PLXDC2: variants seen among roughly 807,000 people sequenced by gnomAD.
The protein encoded by PLXDC2 is plexin domain-containing protein 2.
Under a neutral mutation model 68.9 loss-of-function variants are expected in PLXDC2, and 40 were observed. The ratio of observed to expected loss-of-function variants is 0.58; its 90% CI spans 0.45 to 0.76. PLXDC2 has a LOEUF of 0.76. Among genes scored for constraint, PLXDC2 ranks in the 30% least tolerant of loss-of-function variants. The pLI, the probability that PLXDC2 is intolerant of heterozygous loss-of-function variation, is 0.00. For synonymous variants in PLXDC2, 243 were observed against 234.2 expected (o/e 1.04, Z -0.34); for missense variants, 644 against 661.9 (o/e 0.97, Z 0.30).
chr10:20,195,929 T>C (rs1392813085), intron 9 of PLXDC2, among the ~76,000 whole-genome samples: 2 of 152,104 alleles, frequency 1.3e-5, no homozygotes, highest in Non-Finnish European at 2.9e-5. Flanking sequence ...CCCAAGATGT[T>C]ACGTTCCTTT....
At chr10:19,910,204 G>T (rs1444648404) in intron 1 of PLXDC2, among the ~76,000 whole-genome samples, 1 of 149,884 alleles carries the variant, frequency 6.7e-6, no homozygotes, top group Non-Finnish European at 1.5e-5. Context: ...ATGTCTGCAA[G>T]TTCAGTGGAT....
chr10:19,837,355 C>A (rs1288659898), intron 1 of PLXDC2, among the ~76,000 whole-genome samples: 1 of 150,478 alleles, frequency 6.6e-6, no homozygotes. Flanking sequence ...TTAGTAATTG[C>A]AACATTGCTC....
chr10:19,929,914 A>C (rs940196548), intron 1 of PLXDC2, among the ~76,000 whole-genome samples: 1 of 152,194 alleles, frequency 6.6e-6, no homozygotes, highest in African/African-American at 2.4e-5. Flanking sequence ...TTCTGAAAGC[A>C]CTGTGGTGCT....
chr10:20,109,150 C>G (rs1170396020), intron 4 of PLXDC2, among the ~76,000 whole-genome samples: 1 of 152,136 alleles, frequency 6.6e-6, no homozygotes, highest in African/African-American at 2.4e-5. Context: ...ATTTATTTGT[C>G]TTTGTGAAAT....
intron 2 of PLXDC2, among the ~76,000 whole-genome samples, chr10:20,040,659 A>G (rs1028307788): frequency 2.6e-5 from 4 of 152,162 alleles, no homozygotes; most frequent in African/African-American, 9.7e-5. Flanking sequence ...TGAGTGGACT[A>G]CATGAAATGC....
chr10:19,983,250 T>A (rs1834582377), intron 1 of PLXDC2, among the ~76,000 whole-genome samples: 1 of 152,188 alleles, frequency 6.6e-6, no homozygotes. Flanking sequence ...ACTGGTGAAT[T>A]CTATTTTATA....
At chr10:20,126,456 T>TAGA (rs1833783989) in intron 4 of PLXDC2, among the ~76,000 whole-genome samples, 1 of 111,388 alleles carries the variant, frequency 9.0e-6, no homozygotes, top group African/African-American at 2.9e-5. Flanking sequence ...TATATGTATA[T>TAGA]ACAACACACG....
intron 1 of PLXDC2, among the ~76,000 whole-genome samples, chr10:19,896,321 G>A (rs1236674407): frequency 6.6e-6 from 1 of 152,212 alleles, no homozygotes; most frequent in Non-Finnish European, 1.5e-5. Context: ...GAGAGGCAGA[G>A]AATTGCAAGA....
chr10:20,240,430 T>C (rs1183506914), intron 12 of PLXDC2, among the ~76,000 whole-genome samples: 1 of 152,186 alleles, frequency 6.6e-6, no homozygotes, highest in Non-Finnish European at 1.5e-5. Context: ...TTGTATCCTT[T>C]TGAGTATATA....
At position 20,177,395 on chromosome 10, in the gene PLXDC2, T is replaced by C; in HGVS notation, c.1047T>C (p.Cys349=). 1.3e-6 allele frequency: 2 copies of C among 1,556,288 alleles called. No individual in the cohort carries two copies. Among genetic ancestry groups the C allele is most frequent in the Non-Finnish European group, 1.8e-6 (2 of 1,131,570 alleles). The change falls in exon 9 of 14, where the codon TGT becomes TGC. Residue 349 remains cysteine (C), a synonymous_variant. Transcript: ENST00000377252. ...SSQIGFNCSW[C]SKLQRCSSGF... The stretch of plus-strand genomic sequence containing the variant: ...AGATTGGCTTCAACTGCAGTTGGTG[T>C]AGTAAACTTCAAAGGTAAAAATATA...
At chr10:20,133,147 T>C (rs575879619) in intron 4 of PLXDC2, among the ~76,000 whole-genome samples, 1 of 152,328 alleles carries the variant, frequency 6.6e-6, no homozygotes, top group South Asian at 2.1e-4. Flanking sequence ...CAATTTTATC[T>C]TTTTTATTAT....
At chr10:19,920,290 C>G (rs1833438007) in intron 1 of PLXDC2, among the ~76,000 whole-genome samples, 1 of 152,286 alleles carries the variant, frequency 6.6e-6, no homozygotes, top group Admixed American at 6.5e-5. Context: ...GCTCCACCCC[C>G]ACAGACCTAG....
chr10:19,897,874 TA>T (rs1838087560), intron 1 of PLXDC2, among the ~76,000 whole-genome samples: 1 of 152,058 alleles, frequency 6.6e-6, no homozygotes, highest in African/African-American at 2.4e-5. Context: ...GTAATATAAT[TA>T]AAAAATTTTT....
intron 4 of PLXDC2, among the ~76,000 whole-genome samples, chr10:20,123,667 AAGAG>A (rs1301327931): frequency 1.3e-5 from 2 of 151,930 alleles, no homozygotes; most frequent in Admixed American, 1.3e-4. Context: ...GCCCAGAGAA[AAGAG>A]AGAGTAGAGA....
At position 19,935,468 on chromosome 10, in the gene PLXDC2, A is replaced by G. The variant is rs566079155; in HGVS notation, c.113-66307A>G. On this transcript the variant is annotated intron_variant, in intron 1 of 13. Transcript: ENST00000377252. Reference sequence around the variant, plus strand: ...ATCTTAGAGAGAAATATGGGCTGTGAGAGTTGGCCAGAGGAGGTGCATATG... The same window carrying G: ...ATCTTAGAGAGAAATATGGGCTGTGGGAGTTGGCCAGAGGAGGTGCATATG... Among the ~76,000 whole-genome samples, 5 of 152,306 alleles carry G rather than the reference A, an allele frequency of 3.3e-5. No individual in the cohort carries two copies. In the East Asian group the frequency reaches 9.7e-4, roughly 29 times the overall value.
At chr10:20,011,969 A>G (rs1289085563) in intron 2 of PLXDC2, among the ~76,000 whole-genome samples, 1 of 152,210 alleles carries the variant, frequency 6.6e-6, no homozygotes, top group Non-Finnish European at 1.5e-5. Flanking sequence ...GAAGGATGAT[A>G]GTGTCTGATA....
At chr10:20,044,203 CTCTCTCTG>C (rs1835740287) in intron 2 of PLXDC2, among the ~76,000 whole-genome samples, 2 of 131,210 alleles carry the variant, frequency 1.5e-5, no homozygotes, top group African/African-American at 6.1e-5. Flanking sequence ...CTCTCTCTCT[CTCTCTCTG>C]TCTTTCTTTC....
intron 4 of PLXDC2, among the ~76,000 whole-genome samples, chr10:20,105,734 G>A (rs927729759): frequency 6.6e-5 from 10 of 152,150 alleles, no homozygotes; most frequent in African/African-American, 2.4e-4. Flanking sequence ...TTGGTTGTCA[G>A]GCTCTCAACA....
At chr10:19,973,285 T>TACTC in intron 1 of PLXDC2, among the ~76,000 whole-genome samples, 1 of 111,284 alleles carries the variant, frequency 9.0e-6, no homozygotes, top group Non-Finnish European at 2.0e-5. Flanking sequence ...TGTATACACA[T>TACTC]ACATATATAT....
Sources: allele counts gnomAD v4.1 joint callset (sites outside exome capture counted in the v4.1 genomes callset), GRCh38; gene constraint gnomAD v4.1.1; transcripts MANE v1.5; gene names NCBI Gene and HGNC (gene_info 2026-07-23, HGNC 2026-07-21).